The following TENT4B variants were observed in gnomAD, a reference collection of about 807,000 sequenced individuals.
The protein encoded by TENT4B is PAP associated domain containing 5.
A neutral mutation model predicts 75.0 loss-of-function variants in TENT4B; 10 were observed. The observed-to-expected ratio is 0.13, with a 90% confidence interval of 0.08 to 0.23. The LOEUF is 0.23. Ranked by LOEUF, TENT4B falls within the 10% of genes least tolerant of loss-of-function variation. The pLI is 1.00. For missense variants in TENT4B, 579 were observed against 893.8 expected (o/e 0.65, Z 4.49); for synonymous variants, 350 against 357.7 (o/e 0.98, Z 0.24).
intron 3 of TENT4B, 83 bp from the exon 4 acceptor site, chr16:50,215,992 T>TAATG: frequency 1.3e-6 from 2 of 1,532,566 alleles, no homozygotes; most frequent in Non-Finnish European, 1.8e-6. Context: ...TTAATTGTAC[T>TAATG]AATGAAGTCT....
At position 50,235,118 on chromosome 16, in the gene TENT4B, A is replaced by T; in HGVS notation, c.*5790A>T. The T allele has an allele frequency of 2.5e-6, 2 of 799,828 alleles. No individual in the cohort carries two copies. The highest frequency in any genetic ancestry group is 1.1e-4 in the South Asian group (2 of 17,606). 49.5% of individuals were successfully genotyped at this position (799,828 alleles called of 1,614,324 possible). On this transcript the variant is annotated 3_prime_UTR_variant, in exon 12 of 12. Transcript: ENST00000561678. ...CCGTATCACTGGGCAACCAGTGATG[A>T]AAACTATGAATGAATTGCACACCTG...
rs2032387823 is a variant in TENT4B at position 50,234,428 on chromosome 16, G to T, written c.*5100G>T. On this transcript the variant is annotated 3_prime_UTR_variant, in exon 12 of 12. Coordinates refer to ENST00000561678, the MANE Select transcript of TENT4B (RefSeq NM_001365324.3). ...GCCTTTCAAAGAGAGTGAAATGATG[G>T]GTTATCAGCCACATTCTTGGAGTTA... The T allele has an allele frequency of 2.0e-6, 2 of 985,244 alleles. No homozygotes were observed. Among genetic ancestry groups the T allele is most frequent in the Non-Finnish European group, 2.4e-6 (2 of 829,928 alleles). 61.0% of individuals were successfully genotyped at this position (985,244 alleles called of 1,614,324 possible).
chr16:50,153,210 C>G (rs1234396297), upstream of TENT4B, among the ~76,000 whole-genome samples: 67 of 85,594 alleles, frequency 7.8e-4, no homozygotes, highest in Admixed American at 1.7e-3. Context: ...GCGAGAGGGG[C>G]GGAGCCGGCA....
Position 50,231,246 on chromosome 16 carries a change from A to T in TENT4B, c.*1918A>T, listed in dbSNP as rs2032284593. The stretch of plus-strand genomic sequence containing the variant: ...TATTCTGATCAGAATTTTTATTGAG[A>T]TGTTGAGCTTTTGTTTTTGAAACTA... On this transcript the variant is annotated 3_prime_UTR_variant, in exon 12 of 12. Coordinates refer to ENST00000561678, the MANE Select transcript of TENT4B (RefSeq NM_001365324.3). 2.0e-6 allele frequency: 2 copies of T among 985,288 alleles called. No homozygotes were observed. The allele number at this position is 985,288 out of a possible 1,614,324, so 61.0% of individuals were successfully genotyped here.
intron 1 of TENT4B, among the ~76,000 whole-genome samples, chr16:50,196,480 T>TTTATCG (rs1555510211): frequency 1.7e-5 from 2 of 117,714 alleles, no homozygotes; most frequent in Non-Finnish European, 3.5e-5. Flanking sequence ...TAGCTTTTAG[T>TTTATCG]TTATCATTAT....
At chr16:50,195,700 A>G (rs887468010) in intron 1 of TENT4B, among the ~76,000 whole-genome samples, 4 of 152,228 alleles carry the variant, frequency 2.6e-5, no homozygotes, top group Non-Finnish European at 5.9e-5. Context: ...CATTAATGAA[A>G]CTAAATGAGG....
chr16:50,154,311 G>A, intron 1 of TENT4B, 52 bp downstream of exon 1: 2 of 1,383,624 alleles, frequency 1.4e-6, no homozygotes, highest in African/African-American at 1.5e-5. Flanking sequence ...ATGCGCAGCC[G>A]GGCACACGCC....
rs2032250961 is a variant in TENT4B, at chr16:50,230,352, G to A, written c.*1024G>A. 1 of 980,888 alleles carries A rather than the reference G, an allele frequency of 1.0e-6. No homozygotes were observed. The highest frequency in any genetic ancestry group is 1.8e-5 in the African/African-American group (1 of 56,204). 60.8% of individuals were successfully genotyped at this position (980,888 alleles called of 1,614,324 possible). On this transcript the variant is annotated 3_prime_UTR_variant, in exon 12 of 12. Coordinates refer to ENST00000561678, the MANE Select transcript of TENT4B (RefSeq NM_001365324.3). ...TGTCTGGTCTCATTCCTGTTGCAGT[G>A]AAACTTCGAGTTCCACAGACTTTGC...
Position 50,154,157 on chromosome 16 carries a change from C to A in TENT4B, c.536C>A (p.Pro179His), listed in dbSNP as rs1358091425. 1.3e-6 allele frequency: 2 copies of A among 1,518,896 alleles called. No homozygotes were observed. The highest frequency in any genetic ancestry group is 1.8e-6 in the Non-Finnish European group (2 of 1,139,728). 94.1% of individuals were successfully genotyped at this position (1,518,896 alleles called of 1,614,324 possible). The change falls in exon 1 of 12, where the codon CCC becomes CAC. Residue 179 changes from proline to histidine, a missense_variant. This residue lies in a region of TENT4B where 253 missense variants were observed against 270.1 expected (regional missense o/e 0.94). Coordinates refer to ENST00000561678, the MANE Select transcript of TENT4B (RefSeq NM_001365324.3). ...TYGLNYSLLQ[P>H]SGGRAAGGGR... ...GGACTCAACTACAGCCTGCTGCAGC[C>A]CAGCGGAGGGCGGGCCGCGGGGGGC...
intron 1 of TENT4B, among the ~76,000 whole-genome samples, chr16:50,211,085 A>C (rs1193084432): frequency 1.3e-5 from 2 of 152,130 alleles, no homozygotes; most frequent in South Asian, 2.1e-4. Flanking sequence ...GTTTTATTTT[A>C]TTTAAATCAC....
intron 1 of TENT4B, among the ~76,000 whole-genome samples, chr16:50,200,796 T>A (rs1315686109): frequency 6.6e-6 from 1 of 151,364 alleles, no homozygotes; most frequent in Non-Finnish European, 1.5e-5. Context: ...TTGTGTTTTT[T>A]ATTTTTTTTT....
chr16:50,207,764 C>T (rs897422588), intron 1 of TENT4B, among the ~76,000 whole-genome samples: 1 of 152,120 alleles, frequency 6.6e-6, no homozygotes, highest in Non-Finnish European at 1.5e-5. Flanking sequence ...AATTATATTA[C>T]CATGTGAAAG....
intron 1 of TENT4B, among the ~76,000 whole-genome samples, chr16:50,175,631 C>G (rs2038292786): frequency 6.6e-6 from 1 of 151,900 alleles, no homozygotes; most frequent in Non-Finnish European, 1.5e-5. Flanking sequence ...GACACCACGC[C>G]CAGCTAATTT....
At chr16:50,152,950 T>A, upstream of TENT4B, 1 of 1,503,642 alleles carries the variant, frequency 6.7e-7, no homozygotes, top group Non-Finnish European at 8.8e-7. Flanking sequence ...GGCGGCAACC[T>A]CCATGCGGCC....
Position 50,227,868 on chromosome 16 carries a change from GA to G in TENT4B, c.1833del (p.Lys611AsnfsTer13). 1 of 1,613,908 alleles carries G rather than the reference GA, an allele frequency of 6.2e-7. No homozygotes were observed. The highest frequency in any genetic ancestry group is 8.5e-7 in the Non-Finnish European group (1 of 1,179,882). ...CCGATGCAACACCATGCAAAACCCC[GA>G]AACAGCTGCTTTGCCGTCCGTCCAC... is the stretch of plus-strand genomic sequence containing the variant. Reference protein sequence around the residue: ...DSDATPCKTPKQLLCRPSTGN... With the variant: ...DSDATPCKTPXQLLCRPSTGN... On this transcript the variant is annotated frameshift_variant, in exon 11 of 12. Coordinates refer to ENST00000561678, the MANE Select transcript of TENT4B (RefSeq NM_001365324.3). LOFTEE classifies it high-confidence loss of function.
chr16:50,153,252 A>G (rs1379704746), upstream of TENT4B, among the ~76,000 whole-genome samples: 4 of 139,420 alleles, frequency 2.9e-5, no homozygotes, highest in South Asian at 2.2e-4. Context: ...AGGAGCGAGG[A>G]CGCTACGGAG....
intron 2 of TENT4B, 24 bp from the exon 3 acceptor site, chr16:50,214,197 T>TAAC: frequency 6.5e-7 from 1 of 1,530,610 alleles, no homozygotes; most frequent in Non-Finnish European, 9.0e-7. Flanking sequence ...CTCAATATAA[T>TAAC]AACAACTTCT....
intron 1 of TENT4B, among the ~76,000 whole-genome samples, chr16:50,165,436 T>G (rs2038081574): frequency 6.6e-6 from 1 of 152,214 alleles, no homozygotes; most frequent in Admixed American, 6.5e-5. Context: ...TTTATTGAGA[T>G]AGTAATTCAC....
intron 1 of TENT4B, among the ~76,000 whole-genome samples, chr16:50,199,411 C>G (rs2030492579): frequency 6.6e-6 from 1 of 152,308 alleles, no homozygotes; most frequent in Non-Finnish European, 1.5e-5. Flanking sequence ...AGTAAGGGGA[C>G]AGGCCATTGG....
Sources: gnomAD v4.1 joint callset for allele counts (sites outside exome capture counted in the v4.1 genomes callset) on GRCh38, gnomAD v4.1.1 for gene constraint, gnomAD v4.1.1 regional missense constraint, MANE v1.5 for transcripts, NCBI Gene and HGNC (gene_info 2026-07-23, HGNC 2026-07-21) for gene names.